Variants in TLL2 observed in about 807,000 individuals in gnomAD.
TLL2 encodes the protein tolloid-like protein 2.
A neutral mutation model predicts 123.0 loss-of-function variants in TLL2; 106 were observed. The ratio of observed to expected loss-of-function variants is 0.86; its 90% CI spans 0.74 to 1.01. The LOEUF (loss-of-function observed/expected upper bound fraction) is 1.01, where lower values mean the gene tolerates loss of function less well. Ranked by LOEUF, TLL2 falls within the 50% of genes least tolerant of loss-of-function variation. The pLI is 0.00. For missense variants in TLL2, 1,332 were observed against 1,336.7 expected (o/e 1.00, Z 0.06); for synonymous variants, 494 against 516.8 (o/e 0.96, Z 0.60).
At chr10:96,395,157 T>C (rs749249773) in intron 13 of TLL2, 30 bp downstream of exon 13, 3 of 1,570,876 alleles carry the variant, frequency 1.9e-6, no homozygotes, top group Middle Eastern at 1.7e-4. Flanking sequence ...TTCTTGTGCC[T>C]AAAAGTGGAA....
At chr10:96,368,246 G>C in intron 20 of TLL2, 24 bp from the exon 21 acceptor site, 2 of 1,611,750 alleles carry the variant, frequency 1.2e-6, no homozygotes, top group South Asian at 2.2e-5. Flanking sequence ...AAAGGGAAAC[G>C]AGAAGGACTT....
chr10:96,438,492 T>A (rs1289308351), intron 3 of TLL2, among the ~76,000 whole-genome samples: 1 of 152,260 alleles, frequency 6.6e-6, no homozygotes, highest in East Asian at 1.9e-4. Context: ...GCCTTGTATT[T>A]CTGAAATTTT....
chr10:96,374,226 C>T (rs1044640324), intron 18 of TLL2: 7 of 214,122 alleles, frequency 3.3e-5, no homozygotes, highest in African/African-American at 1.6e-4. Context: ...CCCACTCTGT[C>T]GGCAGCTGTT....
At chr10:96,500,144 C>CAAAA (rs57153896) in intron 1 of TLL2, among the ~76,000 whole-genome samples, 4 of 120,794 alleles carry the variant, frequency 3.3e-5, no homozygotes, top group East Asian at 2.5e-4. Context: ...AAATCTCTAC[C>CAAAA]AAAAAAAAAA....
intron 13 of TLL2, among the ~76,000 whole-genome samples, chr10:96,388,753 C>T (rs961032960): frequency 6.6e-6 from 1 of 152,182 alleles, no homozygotes; most frequent in Non-Finnish European, 1.5e-5. Flanking sequence ...TCCAGTCGTC[C>T]TTGTCTGTGA....
chr10:96,427,131 TG>T (rs1846685553), intron 5 of TLL2, among the ~76,000 whole-genome samples: 1 of 152,146 alleles, frequency 6.6e-6, no homozygotes, highest in African/African-American at 2.4e-5. Flanking sequence ...AATGGAAGCA[TG>T]GGGGGACTTT....
chr10:96,489,941 C>T (rs1029141699), intron 1 of TLL2, among the ~76,000 whole-genome samples: 1 of 151,830 alleles, frequency 6.6e-6, no homozygotes, highest in African/African-American at 2.4e-5. Flanking sequence ...ACTAAAAATA[C>T]AAAAATTAGC....
intron 1 of TLL2, among the ~76,000 whole-genome samples, chr10:96,481,146 G>A (rs1847308353): frequency 2.5e-5 from 2 of 79,146 alleles, no homozygotes; most frequent in South Asian, 6.1e-4. Flanking sequence ...TTGGGGGATG[G>A]ATTTTTTTTT....
chr10:96,384,450 C>G, intron 16 of TLL2, 137 bp downstream of exon 16: 1 of 847,764 alleles, frequency 1.2e-6, no homozygotes, highest in Non-Finnish European at 1.7e-6. Context: ...TCTGGCACGC[C>G]CCCTCCAAGG....
chr10:96,476,070 A>T (rs1240448192), intron 2 of TLL2, among the ~76,000 whole-genome samples: 3 of 151,648 alleles, frequency 2.0e-5, no homozygotes, highest in Admixed American at 2.0e-4. Flanking sequence ...AGTCTCGGGT[A>T]CACCTTTATC....
At position 96,395,521 on chromosome 10, in the gene TLL2, G is replaced by A. The variant is rs905209603; in HGVS notation, c.1531-139C>T. On this transcript the variant is annotated intron_variant, in intron 12 of 20. Coordinates refer to ENST00000357947, the MANE Select transcript of TLL2 (RefSeq NM_012465.4). ...CCAAGTGTGTCCCAGGTCTCTCCAT[G>A]CTGCTTCCTAGTTCACTCCTTACTT... 4.9e-6 allele frequency: 4 copies of A among 817,526 alleles called. No individual in the cohort carries two copies. In the African/African-American group the frequency reaches 6.9e-5, roughly 14 times the overall value. 50.6% of individuals were successfully genotyped at this position (817,526 alleles called of 1,614,324 possible). A position where few individuals can be genotyped will look rare whatever the true frequency, so the allele number is the denominator to read the frequency against.
chr10:96,445,513 C>A (rs1412806106), intron 3 of TLL2, among the ~76,000 whole-genome samples: 1 of 152,162 alleles, frequency 6.6e-6, no homozygotes, highest in Non-Finnish European at 1.5e-5. Context: ...CTTAGTAGAC[C>A]ATGGAGTCTC....
chr10:96,405,182 C>T (rs779622480), intron 10 of TLL2, 50 bp downstream of exon 10: 25 of 1,552,084 alleles, frequency 1.6e-5, no homozygotes, highest in Admixed American at 8.4e-5. Context: ...AACAGCATCC[C>T]GGGGAACATC....
intron 2 of TLL2, among the ~76,000 whole-genome samples, chr10:96,450,117 G>T (rs1040412810): frequency 6.8e-6 from 1 of 147,760 alleles, no homozygotes; most frequent in Admixed American, 6.7e-5. Flanking sequence ...CAGAACGGAT[G>T]GATGAAGGGA....
chr10:96,494,501 G>A (rs1486395954), intron 1 of TLL2, among the ~76,000 whole-genome samples: 1 of 152,152 alleles, frequency 6.6e-6, no homozygotes, highest in Non-Finnish European at 1.5e-5. Flanking sequence ...TGGCCTGCAG[G>A]CCCACCTTAC....
intron 1 of TLL2, among the ~76,000 whole-genome samples, chr10:96,500,042 A>T (rs1404027829): frequency 6.9e-6 from 1 of 143,966 alleles, no homozygotes; most frequent in East Asian, 2.2e-4. Context: ...GCACTTTGGG[A>T]GGCTGAAGTA....
At chr10:96,504,902 G>A (rs2134116117) in intron 1 of TLL2, among the ~76,000 whole-genome samples, 1 of 152,342 alleles carries the variant, frequency 6.6e-6, no homozygotes, top group South Asian at 2.1e-4. Flanking sequence ...CAGCTACTCG[G>A]GAGGCTGAGG....
intron 2 of TLL2, among the ~76,000 whole-genome samples, chr10:96,466,694 G>A (rs1220275665): frequency 6.6e-6 from 1 of 152,188 alleles, no homozygotes. Flanking sequence ...CCACTAGTGG[G>A]TCTCTGCAAG....
intron 2 of TLL2, among the ~76,000 whole-genome samples, chr10:96,467,882 A>G (rs1157936257): frequency 3.9e-5 from 6 of 152,250 alleles, no homozygotes; most frequent in Non-Finnish European, 5.9e-5. Flanking sequence ...TGAATCCTCA[A>G]CTGATACATA....
Sources: gnomAD v4.1 joint callset for allele counts (sites outside exome capture counted in the v4.1 genomes callset) on GRCh38, gnomAD v4.1.1 for gene constraint, MANE v1.5 for transcripts, NCBI Gene and HGNC (gene_info 2026-07-23, HGNC 2026-07-21) for gene names.